Variants in SLC39A11 observed in about 807,000 individuals in gnomAD.
SLC39A11 encodes the protein solute carrier family 39 member 11.
In SLC39A11, 33 loss-of-function variants were observed where a neutral mutation model predicts 36.1. That is an observed-to-expected ratio of 0.91 (90% CI 0.69 to 1.22). SLC39A11 has a LOEUF of 1.22. SLC39A11 is among the 50% of genes most tolerant of loss of function. The probability of loss-of-function intolerance (pLI) is 0.00; values close to 1 mark genes in which losing one functional copy is unlikely to be tolerated. For synonymous variants in SLC39A11, 166 were observed against 170.3 expected (o/e 0.97, Z 0.20); for missense variants, 432 against 430.3 (o/e 1.00, Z -0.03).
chr17:72,716,743 C>T (rs1007927131), intron 7 of SLC39A11, among the ~76,000 whole-genome samples: 3 of 151,816 alleles, frequency 2.0e-5, no homozygotes, highest in Non-Finnish European at 4.4e-5. Context: ...TCGAGGTGGG[C>T]GGATCACTTG....
At chr17:72,986,297 G>C (rs1445751068) in intron 4 of SLC39A11, among the ~76,000 whole-genome samples, 3 of 152,180 alleles carry the variant, frequency 2.0e-5, no homozygotes, top group South Asian at 2.1e-4. Flanking sequence ...CAACCACTAG[G>C]GGGAGATGTT....
At chr17:72,754,884 C>T (rs1031312426) in intron 6 of SLC39A11, among the ~76,000 whole-genome samples, 13 of 152,334 alleles carry the variant, frequency 8.5e-5, no homozygotes, top group Middle Eastern at 3.4e-3. Context: ...CATGCACATA[C>T]ACAAATTCCC....
At chr17:72,657,416 G>A (rs1047318782) in intron 7 of SLC39A11, among the ~76,000 whole-genome samples, 2 of 152,156 alleles carry the variant, frequency 1.3e-5, no homozygotes. Flanking sequence ...AAACATCAAG[G>A]AGGAGCAGAG....
At chr17:73,018,943 C>G (rs748272961) in intron 4 of SLC39A11, among the ~76,000 whole-genome samples, 6 of 151,962 alleles carry the variant, frequency 3.9e-5, no homozygotes, top group Non-Finnish European at 7.4e-5. Flanking sequence ...TTAGGAGCAG[C>G]CATAGAAAAA....
At chr17:72,898,379 G>T (rs1465692096) in intron 5 of SLC39A11, among the ~76,000 whole-genome samples, 1 of 152,168 alleles carries the variant, frequency 6.6e-6, no homozygotes, top group Non-Finnish European at 1.5e-5. Context: ...GCTGCTACTG[G>T]GGAGGAAATG....
chr17:73,004,177 A>AAGAAAGAAAGAAAGAT (rs2090007243), intron 4 of SLC39A11, among the ~76,000 whole-genome samples: 1 of 78,000 alleles, frequency 1.3e-5, no homozygotes, highest in African/African-American at 5.2e-5. Context: ...GAAAGAAAGA[A>AAGAAAGAAAGAAAGAT]AGAAAGAAAG....
intron 6 of SLC39A11, among the ~76,000 whole-genome samples, chr17:72,773,422 A>C (rs2076017196): frequency 1.3e-5 from 2 of 152,054 alleles, no homozygotes; most frequent in Non-Finnish European, 2.9e-5. Context: ...GTATCATGAG[A>C]GCTGATGGTT....
At chr17:73,031,840 C>A in intron 3 of SLC39A11, 126 bp from the exon 4 acceptor site, 1 of 983,124 alleles carries the variant, frequency 1.0e-6, no homozygotes. Flanking sequence ...TCTTTCGTCC[C>A]AGGTTGGGAG....
chr17:72,923,663 A>G (rs374046763), intron 5 of SLC39A11, among the ~76,000 whole-genome samples: 136 of 152,322 alleles, frequency 8.9e-4, no homozygotes, highest in African/African-American at 3.1e-3. Context: ...ACAAGGTCGC[A>G]AAACAGAACA....
intron 7 of SLC39A11, among the ~76,000 whole-genome samples, chr17:72,655,913 A>G (rs2070094745): frequency 6.6e-6 from 1 of 152,062 alleles, no homozygotes. Context: ...GAGGATGGGA[A>G]ACTGTGAAGA....
chr17:73,050,133 C>A (rs571887288), intron 3 of SLC39A11, among the ~76,000 whole-genome samples: 1 of 152,036 alleles, frequency 6.6e-6, no homozygotes, highest in African/African-American at 2.4e-5. Flanking sequence ...TAAAAGCAAA[C>A]AAACAAACAA....
chr17:72,649,680 A>C (rs1237388907), intron 7 of SLC39A11, among the ~76,000 whole-genome samples: 1 of 134,100 alleles, frequency 7.5e-6, no homozygotes, highest in African/African-American at 2.9e-5. Context: ...CTCGCTCTGG[A>C]GACTCCAGGC....
chr17:73,014,839 T>C (rs1306332471), intron 4 of SLC39A11, among the ~76,000 whole-genome samples: 2 of 152,182 alleles, frequency 1.3e-5, no homozygotes, highest in Non-Finnish European at 2.9e-5. Flanking sequence ...AGCAATTTCC[T>C]ATCTCATGTA....
intron 4 of SLC39A11, among the ~76,000 whole-genome samples, chr17:73,013,603 G>A (rs957210458): frequency 1.3e-5 from 2 of 152,148 alleles, no homozygotes; most frequent in African/African-American, 2.4e-5. Flanking sequence ...TTCAACCCAC[G>A]GCCCACGGGC....
At chr17:72,676,490 A>T (rs1158825842) in intron 7 of SLC39A11, among the ~76,000 whole-genome samples, 1 of 152,136 alleles carries the variant, frequency 6.6e-6, no homozygotes, top group Non-Finnish European at 1.5e-5. Context: ...TACACACTAG[A>T]TGCTCAATAA....
chr17:72,820,019 A>T (rs1185226704), intron 6 of SLC39A11, among the ~76,000 whole-genome samples: 1 of 151,212 alleles, frequency 6.6e-6, no homozygotes, highest in Non-Finnish European at 1.5e-5. Context: ...GGCAGGTGAG[A>T]CATCAGCACA....
At chr17:72,695,202 G>A (rs2072236454) in intron 7 of SLC39A11, among the ~76,000 whole-genome samples, 1 of 152,182 alleles carries the variant, frequency 6.6e-6, no homozygotes, top group South Asian at 2.1e-4. Flanking sequence ...CTCTGCCTCA[G>A]TGTCTCCTCC....
chr17:72,789,997 T>G (rs539187136), intron 6 of SLC39A11, among the ~76,000 whole-genome samples: 1 of 152,294 alleles, frequency 6.6e-6, no homozygotes, highest in East Asian at 1.9e-4. Flanking sequence ...GATGCCAGAA[T>G]GCTATGAAAG....
chr17:72,961,219 G>A (rs1488781572), intron 4 of SLC39A11, among the ~76,000 whole-genome samples: 1 of 152,168 alleles, frequency 6.6e-6, no homozygotes, highest in Admixed American at 6.5e-5. Flanking sequence ...TTAGAATGGC[G>A]ATCATTAAAA....
Sources: allele counts gnomAD v4.1 joint callset (sites outside exome capture counted in the v4.1 genomes callset), GRCh38; gene constraint gnomAD v4.1.1; transcripts MANE v1.5; gene names NCBI Gene and HGNC (gene_info 2026-07-23, HGNC 2026-07-21).